The following POU6F2 variants were observed in gnomAD, a reference collection of about 807,000 sequenced individuals.
The protein encoded by POU6F2 is POU domain, class 6, transcription factor 2.
POU6F2 carries 31 observed loss-of-function variants against 71.3 expected under a neutral mutation model. That is an observed-to-expected ratio of 0.43 (90% confidence interval 0.33 to 0.59). The LOEUF (loss-of-function observed/expected upper bound fraction) is 0.59. Ranked by LOEUF, POU6F2 falls within the 20% of genes least tolerant of loss-of-function variation. The pLI, the probability that POU6F2 is intolerant of heterozygous loss-of-function variation, is 0.04. For synonymous variants in POU6F2, 347 were observed against 355.7 expected (o/e 0.98, Z 0.27); for missense variants, 783 against 856.8 (o/e 0.91, Z 1.07).
At chr7:39,163,955 G>A (rs1042019413) in intron 2 of POU6F2, among the ~76,000 whole-genome samples, 4 of 152,160 alleles carry the variant, frequency 2.6e-5, no homozygotes, top group Admixed American at 2.6e-4. Flanking sequence ...CCGGGGAGAA[G>A]GGGAGATGTT....
chr7:39,311,450 T>C (rs1460036687), intron 4 of POU6F2, among the ~76,000 whole-genome samples: 2 of 152,230 alleles, frequency 1.3e-5, no homozygotes, highest in African/African-American at 2.4e-5. Context: ...CATTATTTAC[T>C]TTCTGTCTTC....
intron 8 of POU6F2, among the ~76,000 whole-genome samples, chr7:39,454,042 G>T (rs1788726301): frequency 6.6e-6 from 1 of 152,154 alleles, no homozygotes; most frequent in African/African-American, 2.4e-5. Flanking sequence ...ACTACAGAAT[G>T]AATAGTACAT....
chr7:39,458,357 GAAAT>G (rs1788854637), intron 8 of POU6F2, among the ~76,000 whole-genome samples: 1 of 150,826 alleles, frequency 6.6e-6, no homozygotes, highest in African/African-American at 2.5e-5. Context: ...TTTTCCTTTA[GAAAT>G]AAATGTTTAC....
chr7:39,090,055 T>TA (rs1234374114), intron 2 of POU6F2, among the ~76,000 whole-genome samples: 1 of 151,964 alleles, frequency 6.6e-6, no homozygotes, highest in Non-Finnish European at 1.5e-5. Context: ...GCATCCAAAG[T>TA]AAAAAATTTG....
chr7:39,147,021 A>G (rs554292841), intron 2 of POU6F2, among the ~76,000 whole-genome samples: 2 of 152,350 alleles, frequency 1.3e-5, no homozygotes, highest in African/African-American at 4.8e-5. Flanking sequence ...ACATTTCCAT[A>G]TATTTCTATG....
rs538601583 is a variant in POU6F2 at position 39,247,050 on chromosome 7, G to A, written c.598+39430G>A. ...AACCACTCTGACTGAGAAACAAATT[G>A]AATAATGAACAAGTCTTCAGTGCTC... On this transcript the variant is annotated intron_variant, in intron 4 of 9. Coordinates refer to ENST00000518318, the MANE Select transcript of POU6F2 (RefSeq NM_001370959.1). Among the ~76,000 whole-genome samples the A allele has an allele frequency of 6.1e-4, 92 of 151,628 alleles. 2 individuals are homozygous for A. In the South Asian group the frequency reaches 0.019, roughly 32 times the overall value.
intron 1 of POU6F2, among the ~76,000 whole-genome samples, chr7:39,037,055 T>G (rs1310365728): frequency 6.6e-6 from 1 of 152,080 alleles, no homozygotes; most frequent in Non-Finnish European, 1.5e-5. Context: ...TACATAATCC[T>G]CATTTGAAAA....
intron 1 of POU6F2, among the ~76,000 whole-genome samples, chr7:39,022,228 G>A (rs1789692399): frequency 6.6e-6 from 1 of 151,648 alleles, no homozygotes; most frequent in South Asian, 2.1e-4. Context: ...TTTCTTATTT[G>A]TCAATTGTTC....
At chr7:39,066,244 C>T (rs929771544) in intron 1 of POU6F2, among the ~76,000 whole-genome samples, 1 of 151,760 alleles carries the variant, frequency 6.6e-6, no homozygotes, top group Non-Finnish European at 1.5e-5. Flanking sequence ...CAAAGCTAAT[C>T]TCTCTTAAAC....
At chr7:39,277,370 C>G (rs1426111315) in intron 4 of POU6F2, among the ~76,000 whole-genome samples, 2 of 152,084 alleles carry the variant, frequency 1.3e-5, no homozygotes, top group Non-Finnish European at 2.9e-5. Flanking sequence ...AGCATAGTCC[C>G]CAGAGGGAAG....
At chr7:39,051,846 A>AT (rs1790406036) in intron 1 of POU6F2, among the ~76,000 whole-genome samples, 1 of 152,012 alleles carries the variant, frequency 6.6e-6, no homozygotes, top group African/African-American at 2.4e-5. Context: ...ATGAGTGTTT[A>AT]TTTTTCTAGA....
intron 2 of POU6F2, among the ~76,000 whole-genome samples, chr7:39,175,600 A>G (rs1253772166): frequency 6.6e-6 from 1 of 152,198 alleles, no homozygotes; most frequent in Admixed American, 6.5e-5. Flanking sequence ...TATACTGCTA[A>G]TAAAGTAATA....
intron 5 of POU6F2, among the ~76,000 whole-genome samples, chr7:39,351,327 T>C (rs1157328228): frequency 6.6e-6 from 1 of 152,116 alleles, no homozygotes; most frequent in Non-Finnish European, 1.5e-5. Context: ...CTCCCCAGAT[T>C]CACAGCCCAT....
At chr7:39,252,413 C>G (rs1316920023) in intron 4 of POU6F2, among the ~76,000 whole-genome samples, 2 of 151,642 alleles carry the variant, frequency 1.3e-5, no homozygotes, top group African/African-American at 2.4e-5. Context: ...CACACACACA[C>G]ACACACACAC....
At chr7:39,228,786 C>A (rs1036828266) in intron 4 of POU6F2, among the ~76,000 whole-genome samples, 2 of 152,146 alleles carry the variant, frequency 1.3e-5, no homozygotes, top group Non-Finnish European at 2.9e-5. Context: ...TAAGTGGAAC[C>A]TTTTGGGTTG....
At chr7:39,347,488 C>G (rs1414674783) in intron 5 of POU6F2, among the ~76,000 whole-genome samples, 2 of 152,090 alleles carry the variant, frequency 1.3e-5, no homozygotes, top group East Asian at 1.9e-4. Flanking sequence ...AAGGGCATCT[C>G]AGAGCTGTGG....
At position 39,347,716 on chromosome 7, in the gene POU6F2, C is replaced by T. The variant is rs754928876; in HGVS notation, c.972+7701C>T. ...GCACAAACACAGCTCACTGCAGCCT[C>T]GACCTCCCAGGCTCAAGCCATCCTC... On this transcript the variant is annotated intron_variant, in intron 5 of 9. Coordinates refer to ENST00000518318, the MANE Select transcript of POU6F2 (RefSeq NM_001370959.1). 6.7e-5 allele frequency among the ~76,000 whole-genome samples: 7 copies of T among 104,146 alleles called. 1 individual carries two copies. Among genetic ancestry groups the T allele is most frequent in the Admixed American group, 3.4e-4 (3 of 8,818 alleles). 68.3% of individuals were successfully genotyped at this position (104,146 alleles called of 152,430 possible). A position where few individuals can be genotyped will look rare whatever the true frequency, so the allele number is the denominator to read the frequency against.
Position 39,393,505 on chromosome 7 carries a change from A to G in POU6F2, c.973-13095A>G, listed in dbSNP as rs528920560. Among the ~76,000 whole-genome samples the G allele has an allele frequency of 9.8e-5, 15 of 152,326 alleles. No individual in the cohort carries two copies. The South Asian group carries it at 2.9e-3, about 29-fold the overall frequency. On this transcript the variant is annotated intron_variant, in intron 5 of 9. Transcript: ENST00000518318. Reference sequence around the variant, plus strand: ...GACACCCACTTAAGATGGGTGTGACATGACCAGAAATGGCATTTTCTTCTC... The same window carrying G: ...GACACCCACTTAAGATGGGTGTGACGTGACCAGAAATGGCATTTTCTTCTC...
intron 4 of POU6F2, among the ~76,000 whole-genome samples, chr7:39,226,546 CT>C (rs1794463910): frequency 6.6e-6 from 1 of 152,154 alleles, no homozygotes; most frequent in Non-Finnish European, 1.5e-5. Context: ...AAGAAAGACC[CT>C]TTAAAATGTA....
Sources: allele counts gnomAD v4.1 joint callset (sites outside exome capture counted in the v4.1 genomes callset), GRCh38; gene constraint gnomAD v4.1.1; transcripts MANE v1.5; gene names NCBI Gene and HGNC (gene_info 2026-07-23, HGNC 2026-07-21).